Variants in MR1 observed in about 807,000 individuals in gnomAD.
MR1 encodes the protein major histocompatibility complex, class I-related, also known as major histocompatibility complex class I-related protein 1.
MR1 carries 44 observed loss-of-function variants against 37.8 expected under a neutral mutation model. That is an observed-to-expected ratio of 1.16 (90% CI 0.91 to 1.50). MR1 has a LOEUF of 1.50. Ranked by LOEUF, MR1 falls within the 40% of genes most tolerant of loss-of-function variation. MR1 has a pLI of 0.00. For missense variants in MR1, 386 were observed against 419.1 expected, an observed-to-expected ratio of 0.92 and a Z score of 0.69; for synonymous variants, 153 against 155.8, an observed-to-expected ratio of 0.98 and a Z score of 0.13.
At chr1:181,052,160 G>T (rs1658355505) in intron 3 of MR1, 75 bp from the exon 4 acceptor site, 3 of 1,505,860 alleles carry the variant, frequency 2.0e-6, no homozygotes, top group South Asian at 1.3e-5. Context: ...AATTAGGAAA[G>T]CCAGTTGCCA....
Position 181,050,045 on chromosome 1 carries a change from G to C in MR1, c.363G>C (p.Glu121Asp), listed in dbSNP as rs773327416. Residue 121 changes from glutamate to aspartate, a missense_variant, in exon 3 of 6, where the codon GAG becomes GAC. Physicochemically the swap from Glu to Asp is conservative, Grantham distance 45. Coordinates refer to ENST00000367580, the MANE Select transcript of MR1 (RefSeq NM_001385161.1). ...SHTYQRMIGCELLEDGSTTGF... is the reference protein window; with the variant it reads ...SHTYQRMIGCDLLEDGSTTGF... ...CTTACCAGAGAATGATTGGCTGTGA[G>C]CTGCTGGAGGATGGAAGCACCACAG... The C allele has an allele frequency of 3.1e-6, 5 of 1,613,118 alleles. No individual in the cohort carries two copies. The African/African-American group carries it at 6.7e-5, about 22-fold the overall frequency.
chr1:181,042,746 G>A (rs916574483), intron 1 of MR1, among the ~76,000 whole-genome samples: 7 of 152,044 alleles, frequency 4.6e-5, no homozygotes, highest in Non-Finnish European at 1.0e-4. Flanking sequence ...GGCAGAGGCC[G>A]CAGTGAGCCG....
chr1:181,050,298 G>A lies in MR1; in HGVS notation c.604+12G>A. On this transcript the variant is annotated intron_variant, in intron 3 of 5. Transcript: ENST00000367580. ...CCTACAAAGAACAGGTAAAGAGAAAGAGAAGGCCTCATTCCCACATTGCCT... is the reference window on the plus strand; with the variant it reads ...CCTACAAAGAACAGGTAAAGAGAAAAAGAAGGCCTCATTCCCACATTGCCT... 1.2e-6 allele frequency: 2 copies of A among 1,614,104 alleles called. No individual in the cohort carries two copies. The highest frequency in any genetic ancestry group is 2.2e-5 in the South Asian group (2 of 91,048).
At chr1:181,042,773 CT>C (rs570123455) in intron 1 of MR1, among the ~76,000 whole-genome samples, 18 of 152,160 alleles carry the variant, frequency 1.2e-4, no homozygotes, top group African/African-American at 4.1e-4. Flanking sequence ...CGCCACTGCA[CT>C]CCAACCTGGG....
At chr1:181,043,753 G>T (rs1472139805) in intron 1 of MR1, among the ~76,000 whole-genome samples, 1 of 152,042 alleles carries the variant, frequency 6.6e-6, no homozygotes, top group Non-Finnish European at 1.5e-5. Flanking sequence ...ACAATCAGTT[G>T]CTCTGGGAGA....
chr1:181,055,664 A>G lies in MR1; in HGVS notation c.*399A>G. On this transcript the variant is annotated 3_prime_UTR_variant, in exon 6 of 6. Coordinates refer to ENST00000367580, the MANE Select transcript of MR1 (RefSeq NM_001385161.1). ...ACTTGAGCCTCCAGCCTCCACTTGA[A>G]CACCATGTGAAGGGAACCTCAGTAC... is the stretch of plus-strand genomic sequence containing the variant. 4.6e-6 allele frequency: 1 copy of G among 218,360 alleles called. No individual in the cohort carries two copies. Among genetic ancestry groups the G allele is most frequent in the Non-Finnish European group, 9.0e-6 (1 of 110,618 alleles). 13.5% of individuals were successfully genotyped at this position (218,360 alleles called of 1,614,324 possible). A position where few individuals can be genotyped will look rare whatever the true frequency, so the allele number is the denominator to read the frequency against.
At position 181,034,049 on chromosome 1, in the gene MR1, G is replaced by A. The variant is rs758352103; in HGVS notation, c.42G>A (p.Val14=). Residue 14 remains valine (V), a synonymous_variant, in exon 1 of 6, where the codon GTG becomes GTA. Coordinates refer to ENST00000367580, the MANE Select transcript of MR1 (RefSeq NM_001385161.1). The part of the protein sequence containing the change: ...LMAFLLPLII[V]LMVKHSDSRT... ...CGTTCCTGTTACCTCTCATCATTGT[G>A]TTAATGGTGAAGCACAGCGATTCCC... is the stretch of plus-strand genomic sequence containing the variant. 18 of 1,613,398 alleles carry A rather than the reference G, an allele frequency of 1.1e-5. 1 individual carries two copies. The South Asian group carries it at 1.4e-4, about 13-fold the overall frequency.
At position 181,058,908 on chromosome 1, in the gene MR1, C is replaced by A. The variant is rs1468754489; in HGVS notation, c.*3643C>A. The A allele has an allele frequency of 1.3e-5, 2 of 152,230 alleles. No homozygotes were observed. The highest frequency in any genetic ancestry group is 4.8e-5 in the African/African-American group (2 of 41,470). The allele number at this position is 152,230 out of a possible 1,614,324, so 9.4% of individuals were successfully genotyped here. ...GTACACCTTCCAGCAGGAAAATCTA[C>A]ATAAGAACAACTAAATCACAATCTG... On this transcript the variant is annotated 3_prime_UTR_variant, in exon 6 of 6. Transcript: ENST00000367580.
chr1:181,043,377 C>G (rs1657671641), intron 1 of MR1, among the ~76,000 whole-genome samples: 1 of 152,212 alleles, frequency 6.6e-6, no homozygotes, highest in Non-Finnish European at 1.5e-5. Context: ...ACTCTGAACC[C>G]TGCCAAACTG....
upstream of MR1, chr1:181,033,798 G>T (rs913884182): frequency 2.1e-6 from 1 of 486,552 alleles, no homozygotes. Flanking sequence ...TACACCAAAA[G>T]GAGCAAGCAG....
chr1:181,051,983 C>G (rs1019827056), intron 3 of MR1, among the ~76,000 whole-genome samples: 2 of 152,200 alleles, frequency 1.3e-5, no homozygotes, highest in Non-Finnish European at 2.9e-5. Flanking sequence ...TCCAAACAGT[C>G]AAAGCTGTAT....
chr1:181,051,092 T>C (rs1465785607), intron 3 of MR1: 1 of 152,172 alleles, frequency 6.6e-6, no homozygotes, highest in Non-Finnish European at 1.5e-5. Flanking sequence ...TTTTCATGTA[T>C]GGTCTTGTTA....
At chr1:181,048,112 G>A (rs1268084250) in intron 1 of MR1, among the ~76,000 whole-genome samples, 3 of 151,742 alleles carry the variant, frequency 2.0e-5, no homozygotes, top group East Asian at 1.9e-4. Context: ...CAGCTATTTT[G>A]GAGGCTGGGG....
chr1:181,034,003 G>C lies in MR1; in HGVS notation c.-5G>C, dbSNP rs770318923. ...TGGTTAAAAGAACCCGGAAAGAGAA[G>C]GACTATGGGGGAACTGATGGCGTTC... is the stretch of plus-strand genomic sequence containing the variant. On this transcript the variant is annotated 5_prime_UTR_variant, in exon 1 of 6. Coordinates refer to ENST00000367580, the MANE Select transcript of MR1 (RefSeq NM_001385161.1). 1 of 1,607,842 alleles carries C rather than the reference G, an allele frequency of 6.2e-7. No homozygotes were observed. The highest frequency in any genetic ancestry group is 8.5e-7 in the Non-Finnish European group (1 of 1,178,180).
chr1:181,034,090 C>G lies in MR1; in HGVS notation c.67+16C>G. 2 of 1,607,932 alleles carry G rather than the reference C, an allele frequency of 1.2e-6. No homozygotes were observed. The highest frequency in any genetic ancestry group is 2.7e-5 in the African/African-American group (2 of 74,622). ...AGCGATTCCCGTGAGTATCCCACGT[C>G]CTCTTCTCTCCTAACTCCAAAGTCG... On this transcript the variant is annotated intron_variant, in intron 1 of 5. Transcript: ENST00000367580.
rs745313551 is a variant in MR1, at chr1:181,036,822, G to T, written c.67+2748G>T. 2.2e-4 allele frequency among the ~76,000 whole-genome samples: 33 copies of T among 152,340 alleles called. No individual in the cohort carries two copies. The Middle Eastern group carries it at 0.02, about 94-fold the overall frequency. ...GGCACTTAGTAAATGTTTGCTGAGT[G>T]AATTTATGTTCGGAGGTAATGTCCC... On this transcript the variant is annotated intron_variant, in intron 1 of 5. Transcript: ENST00000367580.
chr1:181,048,599 C>A (rs2102390128), intron 1 of MR1, among the ~76,000 whole-genome samples: 1 of 152,176 alleles, frequency 6.6e-6, no homozygotes, highest in Admixed American at 6.5e-5. Flanking sequence ...CACGTGCACA[C>A]ACAGAGGTGG....
At chr1:181,053,826 C>G in intron 5 of MR1, 149 bp downstream of exon 5, 1 of 622,128 alleles carries the variant, frequency 1.6e-6, no homozygotes, top group South Asian at 2.0e-5. Flanking sequence ...AACCCTCCCA[C>G]CATGTAGGGG....
chr1:181,036,867 G>C (rs1011771562), intron 1 of MR1: 1 of 152,158 alleles, frequency 6.6e-6, no homozygotes, highest in Non-Finnish European at 1.5e-5. Flanking sequence ...ACAGTTATTT[G>C]ACTGGGAGCC....
Sources: allele counts gnomAD v4.1 joint callset (sites outside exome capture counted in the v4.1 genomes callset), GRCh38; gene constraint gnomAD v4.1.1; transcripts MANE v1.5; gene names NCBI Gene and HGNC (gene_info 2026-07-23, HGNC 2026-07-21).